The following TEAD1 variants were observed in gnomAD, a reference collection of about 807,000 sequenced individuals.
TEAD1 encodes TEA domain transcription factor 1.
A neutral mutation model predicts 54.9 loss-of-function variants in TEAD1; 9 were observed. The observed-to-expected ratio is 0.16, with a 90% confidence interval of 0.10 to 0.29. The LOEUF (loss-of-function observed/expected upper bound fraction) is 0.29, where lower values mean the gene tolerates loss of function less well. TEAD1 is among the 10% of genes least tolerant of loss of function. The pLI, the probability that TEAD1 is intolerant of heterozygous loss-of-function variation, is 1.00. For synonymous variants in TEAD1, 200 were observed against 187.8 expected (o/e 1.07, Z -0.53); for missense variants, 387 against 535.9 (o/e 0.72, Z 2.74).
intron 2 of TEAD1, among the ~76,000 whole-genome samples, chr11:12,707,724 C>T (rs1436740062): frequency 3.3e-5 from 5 of 152,248 alleles, no homozygotes; most frequent in African/African-American, 1.2e-4. Flanking sequence ...AATTGCCTTT[C>T]TTTTTTTGGA....
At chr11:12,914,843 A>C (rs1948681485) in intron 10 of TEAD1, among the ~76,000 whole-genome samples, 1 of 151,936 alleles carries the variant, frequency 6.6e-6, no homozygotes, top group African/African-American at 2.4e-5. Flanking sequence ...ACCATGTGGC[A>C]GGCCTGGACG....
intron 3 of TEAD1, among the ~76,000 whole-genome samples, chr11:12,833,292 G>A (rs937534407): frequency 6.6e-6 from 1 of 152,094 alleles, no homozygotes; most frequent in African/African-American, 2.4e-5. Context: ...AGAAGATTTG[G>A]GGGGAATTCA....
chr11:12,890,011 C>T (rs758251602), intron 9 of TEAD1, among the ~76,000 whole-genome samples: 3 of 152,124 alleles, frequency 2.0e-5, no homozygotes, highest in African/African-American at 7.2e-5. Context: ...TGTGAGCCAC[C>T]GTGCCCAGCC....
intron 5 of TEAD1, 63 bp from the exon 6 acceptor site, chr11:12,879,645 T>C (rs1473278030): frequency 6.2e-7 from 1 of 1,610,080 alleles, no homozygotes; most frequent in Admixed American, 1.7e-5. Context: ...TGGCTGTGCC[T>C]GTGTAACCTG....
intron 5 of TEAD1, among the ~76,000 whole-genome samples, chr11:12,878,007 A>G (rs776198725): frequency 7.9e-5 from 12 of 151,754 alleles, no homozygotes; most frequent in East Asian, 2.0e-4. Flanking sequence ...GGGTCTCTCT[A>G]TGTAACCCAG....
intron 9 of TEAD1, among the ~76,000 whole-genome samples, chr11:12,883,579 A>G (rs1212638899): frequency 6.6e-6 from 1 of 152,194 alleles, no homozygotes; most frequent in Admixed American, 6.5e-5. Flanking sequence ...CCAGAGTCAC[A>G]CAGTTAATCT....
Position 12,901,966 on chromosome 11 carries a change from T to A in TEAD1, c.726T>A (p.Ile242=). The A allele has an allele frequency of 6.2e-7, 1 of 1,614,218 alleles. No individual in the cohort carries two copies. Among genetic ancestry groups the A allele is most frequent in the Non-Finnish European group, 8.5e-7 (1 of 1,180,032 alleles). Reference sequence around the variant, plus strand: ...ACAACAAACACCTCTTCGTGCACATTGGGCATGCCAACCATTCTTACAGTG... The same window carrying A: ...ACAACAAACACCTCTTCGTGCACATAGGGCATGCCAACCATTCTTACAGTG... Residue 242 remains isoleucine (I), a synonymous_variant, in exon 10 of 13, where the codon ATT becomes ATA. Coordinates refer to ENST00000527636, the MANE Select transcript of TEAD1 (RefSeq NM_021961.6).
intron 3 of TEAD1, among the ~76,000 whole-genome samples, chr11:12,845,208 A>C (rs1364548862): frequency 6.6e-6 from 1 of 151,322 alleles, no homozygotes; most frequent in Non-Finnish European, 1.5e-5. Context: ...CAAGTGATCC[A>C]CCCTCGGCCT....
intron 2 of TEAD1, among the ~76,000 whole-genome samples, chr11:12,677,979 G>A (rs1198016193): frequency 1.3e-5 from 2 of 152,176 alleles, no homozygotes; most frequent in Non-Finnish European, 2.9e-5. Context: ...GTATGATCTG[G>A]TGGACTTAAA....
chr11:12,803,394 G>C (rs1946103753), intron 3 of TEAD1, among the ~76,000 whole-genome samples: 1 of 152,230 alleles, frequency 6.6e-6, no homozygotes, highest in African/African-American at 2.4e-5. Context: ...AATGAGGAAA[G>C]GCTTCTCTTT....
intron 3 of TEAD1, among the ~76,000 whole-genome samples, chr11:12,768,699 G>T (rs1478829269): frequency 3.3e-5 from 5 of 152,228 alleles, no homozygotes; most frequent in Non-Finnish European, 7.3e-5. Flanking sequence ...CCCCAGCGCA[G>T]CTGTATTCCA....
chr11:12,756,025 A>T (rs1944977572), intron 2 of TEAD1, among the ~76,000 whole-genome samples: 1 of 152,140 alleles, frequency 6.6e-6, no homozygotes, highest in Admixed American at 6.5e-5. Context: ...AATCAATCAG[A>T]GCTTTTCTTG....
chr11:12,796,241 G>A (rs543244567), intron 3 of TEAD1, among the ~76,000 whole-genome samples: 4 of 152,308 alleles, frequency 2.6e-5, no homozygotes, highest in Non-Finnish European at 5.9e-5. Context: ...GAGCTTGGGA[G>A]AACATGAAAG....
chr11:12,884,009 A>T (rs12798544), intron 9 of TEAD1, among the ~76,000 whole-genome samples: 70,937 of 148,426 alleles, frequency 0.48, 18,645 homozygotes, highest in Middle Eastern at 0.6. Context: ...AAAAAAAAAA[A>T]GAAGAAGTAA....
chr11:12,922,653 A>G (rs1467977729), intron 10 of TEAD1: 1 of 152,160 alleles, frequency 6.6e-6, no homozygotes, highest in Non-Finnish European at 1.5e-5. Flanking sequence ...ATCTGGAGCA[A>G]TACGGTGCCT....
rs189182929 is a variant in TEAD1 at position 12,683,498 on chromosome 11, A to G, written c.-55+7937A>G. On this transcript the variant is annotated intron_variant, in intron 2 of 12. Coordinates refer to ENST00000527636, the MANE Select transcript of TEAD1 (RefSeq NM_021961.6). ...ACTCACTGGGGTAAGCCCTCATGAT[A>G]CATCCGAAGAGCTGTGTTGCCCTGT... Among the ~76,000 whole-genome samples, 117 of 152,242 alleles carry G rather than the reference A, an allele frequency of 7.7e-4. 2 individuals are homozygous for G. Among genetic ancestry groups the G allele is most frequent in the Admixed American group, 7.6e-3 (117 of 15,296 alleles).
chr11:12,762,732 G>A lies in TEAD1; in HGVS notation c.-54-1447G>A, dbSNP rs527631839. Among the ~76,000 whole-genome samples the A allele has an allele frequency of 3.3e-5, 5 of 152,262 alleles. No homozygotes were observed. The East Asian group carries it at 9.6e-4, about 29-fold the overall frequency. On this transcript the variant is annotated intron_variant, in intron 2 of 12. Coordinates refer to ENST00000527636, the MANE Select transcript of TEAD1 (RefSeq NM_021961.6). ...ACCATTAATTATATAATATTCATGT[G>A]CCTCAGAGTTTCTGCACCTGGCATC...
chr11:12,807,023 T>C (rs757523042), intron 3 of TEAD1, among the ~76,000 whole-genome samples: 6 of 152,158 alleles, frequency 3.9e-5, no homozygotes, highest in Non-Finnish European at 7.4e-5. Flanking sequence ...GGGAAGCAAA[T>C]TGCATTGCAC....
chr11:12,850,176 C>A (rs1483581781), intron 3 of TEAD1, among the ~76,000 whole-genome samples: 1 of 152,204 alleles, frequency 6.6e-6, no homozygotes, highest in African/African-American at 2.4e-5. Flanking sequence ...TGACACATGC[C>A]TATAATCCCA....
Sources: allele counts gnomAD v4.1 joint callset (sites outside exome capture counted in the v4.1 genomes callset), GRCh38; gene constraint gnomAD v4.1.1; transcripts MANE v1.5; gene names NCBI Gene and HGNC (gene_info 2026-07-23, HGNC 2026-07-21).